The following AFDN variants were observed in gnomAD, a reference collection of about 807,000 sequenced individuals.
The protein encoded by AFDN is afadin, adherens junction formation factor, also known as afadin.
A neutral mutation model predicts 216.6 loss-of-function variants in AFDN; 68 were observed. The observed-to-expected ratio is 0.31, with a 90% CI of 0.26 to 0.38. The LOEUF (loss-of-function observed/expected upper bound fraction) is 0.38, where lower values mean the gene tolerates loss of function less well. AFDN is among the 10% of genes least tolerant of loss of function. AFDN has a pLI of 1.00. For missense variants in AFDN, 2,136 were observed against 2,342.0 expected (o/e 0.91, Z 1.82); for synonymous variants, 868 against 853.7 (o/e 1.02, Z -0.29).
In AFDN at chr6:167,875,404, T is replaced by C. The variant is rs890229133; in HGVS notation, c.648T>C (p.Ser216=). 4 of 1,613,908 alleles carry C rather than the reference T, an allele frequency of 2.5e-6. No homozygotes were observed. The highest frequency in any genetic ancestry group is 3.4e-6 in the Non-Finnish European group (4 of 1,179,922). The change falls in exon 5 of 34, where the codon TCT becomes TCC. Residue 216 remains serine, a synonymous_variant. Coordinates refer to ENST00000683244, the MANE Select transcript of AFDN (RefSeq NM_001386888.1). The stretch of plus-strand genomic sequence containing the variant: ...AAACCAGCTTTACTCGAACCATTTC[T>C]AATCCTGAGGTGGTTATGAAACGAC... ...MPETSFTRTI[S]NPEVVMKRRR... is the part of the protein sequence containing the mutation.
At chr6:167,935,590 GGTTT>G (rs1793895614) in intron 23 of AFDN, among the ~76,000 whole-genome samples, 1 of 152,110 alleles carries the variant, frequency 6.6e-6, no homozygotes, top group Non-Finnish European at 1.5e-5. Context: ...TAAAGAAACT[GGTTT>G]GTTAAATGAG....
intron 23 of AFDN, among the ~76,000 whole-genome samples, chr6:167,936,486 A>G (rs1365757650): frequency 1.3e-5 from 2 of 152,364 alleles, no homozygotes; most frequent in South Asian, 2.1e-4. Flanking sequence ...TTAATAGACT[A>G]CATAGATTGT....
chr6:167,869,283 C>T (rs1197663625), intron 2 of AFDN, among the ~76,000 whole-genome samples: 1 of 152,016 alleles, frequency 6.6e-6, no homozygotes. Context: ...AGTGCTGGGT[C>T]TTGTGTTACT....
At position 167,834,725 on chromosome 6, in the gene AFDN, A is replaced by G. The variant is rs552501833; in HGVS notation, c.105+7488A>G. Among the ~76,000 whole-genome samples the G allele has an allele frequency of 3.4e-4, 51 of 152,200 alleles. 1 individual carries two copies. In the South Asian group the frequency reaches 9.5e-3, roughly 28 times the overall value. ...CTCTATACAGTGGCTTATCCCTGTAATCCCAGCAGTTTGGGAGGCCAAGGC... is the reference window on the plus strand; with the variant it reads ...CTCTATACAGTGGCTTATCCCTGTAGTCCCAGCAGTTTGGGAGGCCAAGGC... On this transcript the variant is annotated intron_variant, in intron 1 of 33. Transcript: ENST00000683244.
chr6:167,835,753 T>G (rs1216136328), intron 1 of AFDN, among the ~76,000 whole-genome samples: 6 of 152,232 alleles, frequency 3.9e-5, no homozygotes, highest in Admixed American at 3.3e-4. Context: ...AGGCTAATAC[T>G]GTCAAAATAT....
intron 30 of AFDN, among the ~76,000 whole-genome samples, chr6:167,953,013 C>T (rs1478318586): frequency 6.6e-6 from 1 of 152,136 alleles, no homozygotes; most frequent in Non-Finnish European, 1.5e-5. Flanking sequence ...CTTTGTTACT[C>T]TATAAAGAGA....
chr6:167,927,642 C>T (rs1434355661), intron 23 of AFDN, among the ~76,000 whole-genome samples: 2 of 152,070 alleles, frequency 1.3e-5, no homozygotes, highest in East Asian at 1.9e-4. Context: ...GAAGGTGATG[C>T]GTGGGGCATA....
intron 1 of AFDN, among the ~76,000 whole-genome samples, chr6:167,847,834 T>C (rs1033523994): frequency 4.6e-5 from 7 of 152,194 alleles, no homozygotes; most frequent in Admixed American, 3.9e-4. Context: ...TTAAGTTAAA[T>C]AATGTAATGT....
intron 22 of AFDN, among the ~76,000 whole-genome samples, chr6:167,924,634 C>T (rs754547174): frequency 6.6e-6 from 1 of 152,180 alleles, no homozygotes; most frequent in Non-Finnish European, 1.5e-5. Flanking sequence ...TTTGAAAACA[C>T]AAAAAGACTG....
chr6:167,862,458 C>T (rs1290778519), intron 1 of AFDN, among the ~76,000 whole-genome samples: 2 of 152,076 alleles, frequency 1.3e-5, no homozygotes, highest in Admixed American at 6.5e-5. Flanking sequence ...TGACTGCAAC[C>T]TCCACCTCCT....
chr6:167,827,225 C>T lies in AFDN; in HGVS notation c.93C>T (p.Ser31=). ...NANRLDLFEI[S]QPTEDLEFHG... is the part of the protein sequence containing the mutation. The stretch of plus-strand genomic sequence containing the variant: ...ACCGGCTGGACCTGTTCGAGATCAG[C>T]CAGCCGACCGAGGTGAGCACCGCCG... The change falls in exon 1 of 34, where the codon AGC becomes AGT. Residue 31 remains serine (S), a synonymous_variant. Transcript: ENST00000683244. 1.6e-6 allele frequency: 2 copies of T among 1,218,762 alleles called. No individual in the cohort carries two copies. Among genetic ancestry groups the T allele is most frequent in the Non-Finnish European group, 2.1e-6 (2 of 947,188 alleles). The allele number at this position is 1,218,762 out of a possible 1,614,324, so 75.5% of individuals were successfully genotyped here.
intron 1 of AFDN, among the ~76,000 whole-genome samples, chr6:167,837,093 ATTGT>A (rs1780527931): frequency 6.6e-6 from 1 of 152,168 alleles, no homozygotes; most frequent in South Asian, 2.1e-4. Flanking sequence ...CCTTCATGAC[ATTGT>A]TAGTTTTGAG....
In AFDN at chr6:167,915,330, A is replaced by C; in HGVS notation, c.2462A>C (p.Tyr821Ser). 2 of 1,614,194 alleles carry C rather than the reference A, an allele frequency of 1.2e-6. No individual in the cohort carries two copies. The highest frequency in any genetic ancestry group is 1.7e-6 in the Non-Finnish European group (2 of 1,180,036). ...TDPDSGLCSH[Y>S]WGAIIRQQLG... ...CCAGATTCGGGGCTGTGCTCCCATT[A>C]CTGGGGTGCGATTATCCGTCAGCAG... Residue 821 changes from tyrosine (Y) to serine (S), a missense_variant, in exon 19 of 34, where the codon TAC (tyrosine) becomes TCC (serine). Tyr to Ser is a moderately radical substitution (Grantham distance 144, BLOSUM62 -2). Transcript: ENST00000683244.
chr6:167,843,072 A>G (rs1463563059), intron 1 of AFDN, among the ~76,000 whole-genome samples: 6 of 152,220 alleles, frequency 3.9e-5, no homozygotes, highest in Non-Finnish European at 7.3e-5. Context: ...GAGTTTCAGT[A>G]GGAATCAAGT....
chr6:167,965,625 T>C (rs1307666515), intron 31 of AFDN, 132 bp from the exon 32 acceptor site: 2 of 818,208 alleles, frequency 2.4e-6, no homozygotes, highest in Non-Finnish European at 3.7e-6. Context: ...GCTGCTTCTG[T>C]TACATAGTAA....
intron 21 of AFDN, among the ~76,000 whole-genome samples, chr6:167,921,829 A>G (rs1791855585): frequency 6.6e-6 from 1 of 152,168 alleles, no homozygotes; most frequent in South Asian, 2.1e-4. Flanking sequence ...ACTAAGTAAA[A>G]TTACTTTGTA....
chr6:167,915,149 T>C lies in AFDN; in HGVS notation c.2300-19T>C. On this transcript the variant is annotated intron_variant, in intron 18 of 33. Transcript: ENST00000683244. ...GGATGACATTTTGCTCCTCTTGTCC[T>C]CTCACCCTGTCTGGGCAGATGATGT... 6.2e-7 allele frequency: 1 copy of C among 1,612,770 alleles called. No homozygotes were observed. The highest frequency in any genetic ancestry group is 8.5e-7 in the Non-Finnish European group (1 of 1,179,450).
chr6:167,934,087 T>C (rs376563723), intron 23 of AFDN, among the ~76,000 whole-genome samples: 1 of 152,266 alleles, frequency 6.6e-6, no homozygotes, highest in East Asian at 1.9e-4. Context: ...TTGTGCACTC[T>C]ACCCTGGTGA....
At chr6:167,898,689 T>C (rs1225051242) in intron 11 of AFDN, among the ~76,000 whole-genome samples, 1 of 152,242 alleles carries the variant, frequency 6.6e-6, no homozygotes, top group Non-Finnish European at 1.5e-5. Flanking sequence ...GGTTTTAAAT[T>C]GTTTATATTT....
Sources: allele counts gnomAD v4.1 joint callset (sites outside exome capture counted in the v4.1 genomes callset), GRCh38; gene constraint gnomAD v4.1.1; transcripts MANE v1.5; gene names NCBI Gene and HGNC (gene_info 2026-07-23, HGNC 2026-07-21).